Variants in PAPPA2 observed in about 807,000 individuals in gnomAD.
PAPPA2 encodes the protein pappalysin 2.
Under a neutral mutation model 176.4 loss-of-function variants are expected in PAPPA2, and 86 were observed. That is an observed-to-expected ratio of 0.49 (90% CI 0.41 to 0.58). The LOEUF (loss-of-function observed/expected upper bound fraction) is 0.58, where lower values mean the gene tolerates loss of function less well. Among genes scored for constraint, PAPPA2 ranks in the 20% least tolerant of loss-of-function variants. The pLI is 0.00. For synonymous variants in PAPPA2, 809 were observed against 852.2 expected (o/e 0.95, Z 0.88); for missense variants, 2,073 against 2,256.9 (o/e 0.92, Z 1.65).
intron 14 of PAPPA2, among the ~76,000 whole-genome samples, chr1:176,765,045 C>T: frequency 6.6e-6 from 1 of 152,198 alleles, no homozygotes; most frequent in East Asian, 1.9e-4. Flanking sequence ...GTGTGAATTT[C>T]CTCTTCCAGT....
At chr1:176,472,723 T>C (rs1651939577) in intron 1 of PAPPA2, among the ~76,000 whole-genome samples, 1 of 152,192 alleles carries the variant, frequency 6.6e-6, no homozygotes, top group Non-Finnish European at 1.5e-5. Context: ...TTTTGTGTGA[T>C]AGGTTTTTAC....
chr1:176,673,107 A>G (rs1216644541), intron 4 of PAPPA2, among the ~76,000 whole-genome samples: 1 of 152,138 alleles, frequency 6.6e-6, no homozygotes, highest in Non-Finnish European at 1.5e-5. Flanking sequence ...ACAAATTTGT[A>G]AGTCATAGCC....
In PAPPA2 at chr1:176,557,143, T is replaced by C; in HGVS notation, c.821T>C (p.Leu274Pro). The change falls in exon 2 of 23, where the codon CTG becomes CCG. Residue 274 changes from leucine (L) to proline (P), a missense_variant. Transcript: ENST00000367662. ...YFSGRRERLL[L>P]RPEVLAEIPR... ...TCTGGGAGGCGGGAGCGGCTGCTGC[T>C]GCGTCCAGAAGTGCTGGCTGAGATT... 6.2e-7 allele frequency: 1 copy of C among 1,613,788 alleles called. No homozygotes were observed. The highest frequency in any genetic ancestry group is 8.5e-7 in the Non-Finnish European group (1 of 1,180,000).
chr1:176,799,269 A>G (rs1665568269), intron 20 of PAPPA2, among the ~76,000 whole-genome samples: 1 of 152,226 alleles, frequency 6.6e-6, no homozygotes, highest in South Asian at 2.1e-4. Context: ...AAACTATAAA[A>G]AGAAAAAGAA....
At chr1:176,599,579 A>C (rs539882245) in intron 3 of PAPPA2, among the ~76,000 whole-genome samples, 5 of 150,652 alleles carry the variant, frequency 3.3e-5, no homozygotes, top group Non-Finnish European at 7.4e-5. Flanking sequence ...TATTTTAGCA[A>C]TCATACTTTA....
rs7414214 is a variant in PAPPA2, at chr1:176,634,947, G to A, written c.1992-36023G>A. Among the ~76,000 whole-genome samples the A allele has an allele frequency of 2.8e-5, 4 of 144,876 alleles. No homozygotes were observed. In the Admixed American group the frequency reaches 2.8e-4, roughly 10 times the overall value. ...TGATGATGATGATGATAGATGATAGGTAGATAGATAGATAGATAAATAGAT... is the reference window on the plus strand; with the variant it reads ...TGATGATGATGATGATAGATGATAGATAGATAGATAGATAGATAAATAGAT... On this transcript the variant is annotated intron_variant, in intron 3 of 22. Coordinates refer to ENST00000367662, the MANE Select transcript of PAPPA2 (RefSeq NM_020318.3).
chr1:176,578,953 G>A (rs1333105642), intron 2 of PAPPA2, among the ~76,000 whole-genome samples: 1 of 152,160 alleles, frequency 6.6e-6, no homozygotes, highest in Non-Finnish European at 1.5e-5. Flanking sequence ...ACAGTTCTTA[G>A]AAGATATTTT....
At chr1:176,814,718 G>A (rs1666307849) in intron 21 of PAPPA2, among the ~76,000 whole-genome samples, 1 of 152,194 alleles carries the variant, frequency 6.6e-6, no homozygotes, top group Non-Finnish European at 1.5e-5. Flanking sequence ...ACAGGATCAT[G>A]TTATCTGCAA....
chr1:176,738,401 C>A (rs921997574), intron 12 of PAPPA2, among the ~76,000 whole-genome samples: 1 of 152,074 alleles, frequency 6.6e-6, no homozygotes, highest in Non-Finnish European at 1.5e-5. Context: ...CAAATGAACT[C>A]TATAAACATA....
intron 8 of PAPPA2, among the ~76,000 whole-genome samples, chr1:176,700,330 C>G (rs541657224): frequency 8.5e-5 from 13 of 152,330 alleles, no homozygotes; most frequent in African/African-American, 3.1e-4. Context: ...TGGAGACTGC[C>G]CTGAGGGCAG....
intron 6 of PAPPA2, among the ~76,000 whole-genome samples, chr1:176,692,703 T>C (rs1660174104): frequency 6.6e-6 from 1 of 152,152 alleles, no homozygotes; most frequent in Admixed American, 6.5e-5. Flanking sequence ...AGCATGCTTC[T>C]CCAGGCACTT....
At chr1:176,819,088 C>T (rs971080601) in intron 21 of PAPPA2, among the ~76,000 whole-genome samples, 5 of 152,090 alleles carry the variant, frequency 3.3e-5, no homozygotes, top group East Asian at 1.9e-4. Flanking sequence ...AATACAGTGA[C>T]GTAGTGACTG....
chr1:176,717,640 G>C (rs1171091733), intron 12 of PAPPA2, among the ~76,000 whole-genome samples: 1 of 152,114 alleles, frequency 6.6e-6, no homozygotes, highest in Non-Finnish European at 1.5e-5. Context: ...ACCTCTCCTT[G>C]GCTAAGCCCC....
At chr1:176,592,289 C>T (rs1487872111) in intron 2 of PAPPA2, among the ~76,000 whole-genome samples, 1 of 152,118 alleles carries the variant, frequency 6.6e-6, no homozygotes, top group Non-Finnish European at 1.5e-5. Flanking sequence ...AATTAGAGAG[C>T]AAATAATCAT....
chr1:176,838,138 G>A (rs2223487), intron 21 of PAPPA2, among the ~76,000 whole-genome samples: 82,842 of 152,034 alleles, frequency 0.54, 23,339 homozygotes, highest in East Asian at 0.72. Context: ...GTCCAGTGGG[G>A]CCTGGAGGTC....
chr1:176,677,034 A>G (rs919904263), intron 4 of PAPPA2, among the ~76,000 whole-genome samples: 1 of 152,178 alleles, frequency 6.6e-6, no homozygotes, highest in African/African-American at 2.4e-5. Flanking sequence ...TGTGCTTTTC[A>G]GAAGTAAAAA....
At chr1:176,694,097 G>C (rs763028891) in intron 6 of PAPPA2, among the ~76,000 whole-genome samples, 2 of 152,072 alleles carry the variant, frequency 1.3e-5, no homozygotes, top group Non-Finnish European at 2.9e-5. Flanking sequence ...AGCAATTTGT[G>C]TCATGCTTGG....
chr1:176,499,918 C>T (rs1406578663), intron 1 of PAPPA2, among the ~76,000 whole-genome samples: 1 of 152,116 alleles, frequency 6.6e-6, no homozygotes, highest in Non-Finnish European at 1.5e-5. Context: ...TGATGTGTCC[C>T]TCTGTGTGTA....
chr1:176,505,001 A>G (rs997218694), intron 1 of PAPPA2, among the ~76,000 whole-genome samples: 1 of 152,156 alleles, frequency 6.6e-6, no homozygotes, highest in Non-Finnish European at 1.5e-5. Context: ...AGAATGATCT[A>G]GCCCATCCTA....
Sources: allele counts gnomAD v4.1 joint callset (sites outside exome capture counted in the v4.1 genomes callset), GRCh38; gene constraint gnomAD v4.1.1; transcripts MANE v1.5; gene names NCBI Gene and HGNC (gene_info 2026-07-23, HGNC 2026-07-21).